The following PLXNA2 variants were observed in gnomAD, a reference collection of about 807,000 sequenced individuals.
PLXNA2 encodes plexin-A2.
A neutral mutation model predicts 193.5 loss-of-function variants in PLXNA2; 91 were observed. The observed-to-expected ratio is 0.47, with a 90% CI of 0.40 to 0.56. PLXNA2 has a LOEUF of 0.56. Ranked by LOEUF, PLXNA2 falls within the 20% of genes least tolerant of loss-of-function variation. The pLI is 0.00. For synonymous variants in PLXNA2, 997 were observed against 1,027.3 expected (o/e 0.97, Z 0.56); for missense variants, 1,995 against 2,503.2 (o/e 0.80, Z 4.33).
intron 5 of PLXNA2, among the ~76,000 whole-genome samples, chr1:208,099,608 T>C (rs1667026765): frequency 6.6e-6 from 1 of 152,132 alleles, no homozygotes; most frequent in South Asian, 2.1e-4. Flanking sequence ...TCTTGCTCTG[T>C]TGCCTAAGCT....
intron 4 of PLXNA2, among the ~76,000 whole-genome samples, chr1:208,117,582 A>G (rs769781030): frequency 5.9e-5 from 9 of 152,198 alleles, no homozygotes; most frequent in Non-Finnish European, 1.3e-4. Flanking sequence ...GTCAAGAGGA[A>G]GCACCACCCT....
At chr1:208,071,137 A>G (rs567539328) in intron 12 of PLXNA2, among the ~76,000 whole-genome samples, 2 of 152,312 alleles carry the variant, frequency 1.3e-5, no homozygotes, top group East Asian at 3.9e-4. Flanking sequence ...GGATTTGTAA[A>G]AGGATACAGG....
At chr1:208,065,688 G>T (rs73083051) in intron 12 of PLXNA2, among the ~76,000 whole-genome samples, 1 of 152,202 alleles carries the variant, frequency 6.6e-6, no homozygotes, top group African/African-American at 2.4e-5. Context: ...GGTACAAAGA[G>T]CTGCTCATGG....
intron 2 of PLXNA2, among the ~76,000 whole-genome samples, chr1:208,211,493 A>C (rs908636032): frequency 2.6e-5 from 4 of 152,174 alleles, no homozygotes; most frequent in African/African-American, 9.7e-5. Context: ...GGAGATCGAG[A>C]CCATTCTGGC....
rs1558155584 is a variant in PLXNA2, at chr1:208,033,492, T to C, written c.4882A>G (p.Thr1628Ala). ...ISRYDSSFRY[T>A]GSPDSLRSRA... ...GACCGCAGGCTGTCGGGGCTGCCCG[T>C]ATACCTGAAGGAGGAGTCTGAGGAG... The change falls in exon 28 of 32, where the codon ACG (threonine) becomes GCG (alanine). Residue 1628 changes from threonine (T) to alanine (A), a missense_variant. Coordinates refer to ENST00000367033, the MANE Select transcript of PLXNA2 (RefSeq NM_025179.4). The C allele has an allele frequency of 1.9e-6, 3 of 1,610,562 alleles. No homozygotes were observed. Among genetic ancestry groups the C allele is most frequent in the Non-Finnish European group, 2.5e-6 (3 of 1,177,954 alleles).
At chr1:208,079,168 T>G (rs909462902) in intron 12 of PLXNA2, 92 bp downstream of exon 12, 3 of 1,107,948 alleles carry the variant, frequency 2.7e-6, no homozygotes, top group East Asian at 2.4e-5. Flanking sequence ...GCCAATAATT[T>G]GTCCACAGAG....
intron 1 of PLXNA2, 36 bp from the exon 2 acceptor site, chr1:208,218,038 T>C: frequency 6.5e-7 from 1 of 1,529,274 alleles, no homozygotes; most frequent in Non-Finnish European, 8.8e-7. Context: ...AGACCAAAAA[T>C]AATTTCCGGG....
chr1:208,152,680 C>CGCACAT (rs1668802827), intron 3 of PLXNA2, among the ~76,000 whole-genome samples: 1 of 76,096 alleles, frequency 1.3e-5, no homozygotes, highest in Admixed American at 1.2e-4. Context: ...CACACACACA[C>CGCACAT]ACGCACACAC....
At chr1:208,130,236 A>G (rs1668105396) in intron 4 of PLXNA2, among the ~76,000 whole-genome samples, 1 of 152,200 alleles carries the variant, frequency 6.6e-6, no homozygotes, top group South Asian at 2.1e-4. Context: ...CTGGCCTGCT[A>G]CAGAAAGATC....
At chr1:208,063,599 G>C (rs532842806) in intron 12 of PLXNA2, among the ~76,000 whole-genome samples, 2 of 152,168 alleles carry the variant, frequency 1.3e-5, no homozygotes, top group Non-Finnish European at 2.9e-5. Context: ...ACAGGGCTTG[G>C]AAAGTGTCTG....
chr1:208,046,710 C>A (rs919326212), intron 17 of PLXNA2, among the ~76,000 whole-genome samples: 1 of 149,738 alleles, frequency 6.7e-6, no homozygotes, highest in Non-Finnish European at 1.5e-5. Context: ...GGGAAGGGAA[C>A]AAGTTCCAAG....
intron 12 of PLXNA2, among the ~76,000 whole-genome samples, chr1:208,070,599 G>A (rs545402242): frequency 3.9e-5 from 6 of 152,204 alleles, no homozygotes; most frequent in Non-Finnish European, 8.8e-5. Context: ...TGAAGGACTG[G>A]TTTGACACTG....
At chr1:208,161,687 C>T (rs1781036) in intron 3 of PLXNA2, among the ~76,000 whole-genome samples, 111,321 of 151,466 alleles carry the variant, frequency 0.73, 42,317 homozygotes, top group Middle Eastern at 0.88. Context: ...TTGTTATCTT[C>T]CTCCTCCTTA....
chr1:208,037,015 A>T (rs1165863247), intron 26 of PLXNA2, among the ~76,000 whole-genome samples: 3 of 152,188 alleles, frequency 2.0e-5, no homozygotes, highest in Admixed American at 6.5e-5. Flanking sequence ...TGGATACATT[A>T]AGCACCATAT....
chr1:208,128,698 T>G (rs74538726), intron 4 of PLXNA2, among the ~76,000 whole-genome samples: 14 of 30,222 alleles, frequency 4.6e-4, no homozygotes, highest in African/African-American at 2.3e-3. Context: ...TTTCTTTCTT[T>G]TTTTTTTTTT....
intron 3 of PLXNA2, among the ~76,000 whole-genome samples, chr1:208,190,886 C>T (rs993242454): frequency 2.6e-5 from 4 of 152,176 alleles, no homozygotes; most frequent in African/African-American, 4.8e-5. Context: ...TCTGCATCTT[C>T]GAACCTTTGG....
intron 4 of PLXNA2, among the ~76,000 whole-genome samples, chr1:208,120,263 T>C (rs1340732889): frequency 6.6e-6 from 1 of 152,204 alleles, no homozygotes; most frequent in Non-Finnish European, 1.5e-5. Flanking sequence ...GAAAAAAAGA[T>C]TCAGGACTCT....
At chr1:208,029,316 G>A (rs1013198260) in intron 29 of PLXNA2, 11 of 1,258,050 alleles carry the variant, frequency 8.7e-6, no homozygotes, top group Non-Finnish European at 9.1e-6. Flanking sequence ...TCCCTTCTGG[G>A]AGACTTTTCT....
At chr1:208,119,300 T>C (rs1011604625) in intron 4 of PLXNA2, among the ~76,000 whole-genome samples, 2 of 152,096 alleles carry the variant, frequency 1.3e-5, no homozygotes, top group African/African-American at 2.4e-5. Context: ...AGGCATGCCA[T>C]ATATATTGTT....
Sources: gnomAD v4.1 joint callset for allele counts (sites outside exome capture counted in the v4.1 genomes callset) on GRCh38, gnomAD v4.1.1 for gene constraint, MANE v1.5 for transcripts, NCBI Gene and HGNC (gene_info 2026-07-23, HGNC 2026-07-21) for gene names.